ACVR1B: variants seen among roughly 807,000 people sequenced by gnomAD.
The protein encoded by ACVR1B is activin receptor type-1B.
ACVR1B carries 15 observed loss-of-function variants against 55.6 expected under a neutral mutation model. The observed-to-expected ratio is 0.27, with a 90% confidence interval of 0.18 to 0.42. The LOEUF is 0.42. ACVR1B is among the 10% of genes least tolerant of loss of function. ACVR1B has a pLI of 1.00. For synonymous variants in ACVR1B, 247 were observed against 254.6 expected (o/e 0.97, Z 0.28); for missense variants, 359 against 670.1 (o/e 0.54, Z 5.13).
chr12:51,987,852 ATTGT>A (rs1441953575), intron 7 of ACVR1B: 6 of 152,352 alleles, frequency 3.9e-5, no homozygotes, highest in Admixed American at 1.3e-4. Flanking sequence ...ATATAATTAG[ATTGT>A]TTGTAACACA....
intron 1 of ACVR1B, chr12:51,953,253 A>G: frequency 1.3e-6 from 1 of 750,926 alleles, no homozygotes; most frequent in Non-Finnish European, 1.6e-6. Context: ...AGTCGTCTTT[A>G]ATAAACCAGA....
At chr12:51,987,107 A>T in intron 7 of ACVR1B, 165 bp downstream of exon 7, 1 of 918,820 alleles carries the variant, frequency 1.1e-6, no homozygotes, top group Non-Finnish European at 1.8e-6. Context: ...AGCTGTGCTT[A>T]GGGTGCGTTT....
At position 51,994,649 on chromosome 12, in the gene ACVR1B, T is replaced by C. The variant is rs1942265746; in HGVS notation, c.*539T>C. 6.4e-6 allele frequency: 1 copy of C among 155,636 alleles called. No individual in the cohort carries two copies. The highest frequency in any genetic ancestry group is 2.4e-5 in the African/African-American group (1 of 41,502). 9.6% of individuals were successfully genotyped at this position (155,636 alleles called of 1,614,324 possible). A position where few individuals can be genotyped will look rare whatever the true frequency, so the allele number is the denominator to read the frequency against. ...TGGAGACGGAATCTGCCGCTTTGTC[T>C]GTCCAGCCGTGTGTGCATGTGCCGA... On this transcript the variant is annotated 3_prime_UTR_variant, in exon 9 of 9. Transcript: ENST00000257963. The surrounding 1 kb of genome is among the most constrained non-coding windows in gnomAD (Gnocchi z 4.2).
chr12:51,994,144 C>T lies in ACVR1B; in HGVS notation c.*34C>T, dbSNP rs762607630. 33 of 1,608,274 alleles carry T rather than the reference C, an allele frequency of 2.1e-5. No individual in the cohort carries two copies. The highest frequency in any genetic ancestry group is 3.3e-5 in the Admixed American group (2 of 59,914). On this transcript the variant is annotated 3_prime_UTR_variant, in exon 9 of 9. Coordinates refer to ENST00000257963, the MANE Select transcript of ACVR1B (RefSeq NM_004302.5). The surrounding 1 kb of genome is among the most constrained non-coding windows in gnomAD (Gnocchi z 4.2). ...TCTCTCCACACGGAGCTCCTGGCAG[C>T]GAGAACTACGCACAGCTGCCGCGTT...
intron 7 of ACVR1B, among the ~76,000 whole-genome samples, chr12:51,989,956 G>A (rs1006260943): frequency 2.0e-5 from 3 of 151,962 alleles, no homozygotes; most frequent in African/African-American, 7.3e-5. Flanking sequence ...CTGCACTCCA[G>A]CCTGGGCAAC....
intron 7 of ACVR1B, among the ~76,000 whole-genome samples, chr12:51,989,935 A>C (rs1050568723): frequency 1.3e-5 from 2 of 152,120 alleles, no homozygotes; most frequent in Non-Finnish European, 2.9e-5. Flanking sequence ...CAGCAAGCCG[A>C]GATCGTGCCA....
At position 51,980,226 on chromosome 12, in the gene ACVR1B, C is replaced by T. The variant is rs917466554; in HGVS notation, c.581-743C>T. ...TGGAGCCTAATACATAGTAAGCATG[C>T]AGTAAATGGTAGTTCCCATCTACCA... On this transcript the variant is annotated intron_variant, in intron 3 of 8. Coordinates refer to ENST00000257963, the MANE Select transcript of ACVR1B (RefSeq NM_004302.5). Among the ~76,000 whole-genome samples the T allele has an allele frequency of 2.6e-5, 4 of 152,018 alleles. No individual in the cohort carries two copies. The South Asian group carries it at 6.2e-4, about 24-fold the overall frequency.
chr12:51,991,938 T>C lies in ACVR1B; in HGVS notation c.1337T>C (p.Val446Ala). ...SDPSIEEMRK[V>A]VCDQKLRPNI... ...CCTTCCATTGAGGAAATGCGAAAGG[T>C]TGTATGTGATCAGAAGCTGCGTCCC... The change falls in exon 8 of 9, where the codon GTT (valine) becomes GCT (alanine). Residue 446 changes from valine to alanine, a missense_variant. Physicochemically the swap from Val to Ala is moderately conservative, Grantham distance 64. This residue lies in a region of ACVR1B where 119 missense variants were observed against 340.2 expected (regional missense o/e 0.35). Coordinates refer to ENST00000257963, the MANE Select transcript of ACVR1B (RefSeq NM_004302.5). The C allele has an allele frequency of 9.3e-6, 15 of 1,614,140 alleles. No homozygotes were observed. The highest frequency in any genetic ancestry group is 1.2e-5 in the Non-Finnish European group (14 of 1,180,024).
In ACVR1B at chr12:51,993,955, C is replaced by T. The variant is rs752109423; in HGVS notation, c.1393-30C>T. On this transcript the variant is annotated intron_variant, in intron 8 of 8. Transcript: ENST00000257963. ...CAGAAAGGCTTCTCCAGGGCATGACCGAGCTGATGGCTCCTGGGTCTCTGC... is the reference window on the plus strand; with the variant it reads ...CAGAAAGGCTTCTCCAGGGCATGACTGAGCTGATGGCTCCTGGGTCTCTGC... 8.1e-6 allele frequency: 13 copies of T among 1,612,216 alleles called. No individual in the cohort carries two copies. The Admixed American group carries it at 1.0e-4, about 12-fold the overall frequency.
intron 1 of ACVR1B, among the ~76,000 whole-genome samples, chr12:51,966,510 G>A (rs970694437): frequency 4.6e-5 from 7 of 152,190 alleles, no homozygotes; most frequent in African/African-American, 1.4e-4. Context: ...GTGCAGTGAT[G>A]GAGTCACAGC....
intron 3 of ACVR1B, among the ~76,000 whole-genome samples, chr12:51,977,731 C>T (rs1436136834): frequency 6.7e-6 from 1 of 150,294 alleles, no homozygotes; most frequent in Non-Finnish European, 1.5e-5. Context: ...AGATCCTCCA[C>T]CTTAGTCTCC....
intron 4 of ACVR1B, 128 bp from the exon 5 acceptor site, chr12:51,983,871 C>A: frequency 2.2e-6 from 2 of 897,076 alleles, no homozygotes; most frequent in Non-Finnish European, 3.5e-6. Context: ...CTTCAGGGGG[C>A]ATGGAGGTGG....
intron 1 of ACVR1B, among the ~76,000 whole-genome samples, chr12:51,971,948 G>C (rs1325453898): frequency 6.6e-6 from 1 of 152,218 alleles, no homozygotes; most frequent in Non-Finnish European, 1.5e-5. Flanking sequence ...GTTCCTGATA[G>C]AGCTGAAACT....
intron 1 of ACVR1B, among the ~76,000 whole-genome samples, chr12:51,967,663 A>G (rs1400451651): frequency 6.6e-6 from 1 of 152,226 alleles, no homozygotes; most frequent in Non-Finnish European, 1.5e-5. Context: ...TTGTACACTT[A>G]GCTGTATAGG....
intron 4 of ACVR1B, among the ~76,000 whole-genome samples, chr12:51,983,353 C>T (rs1357315455): frequency 6.6e-6 from 1 of 152,182 alleles, no homozygotes; most frequent in Non-Finnish European, 1.5e-5. Flanking sequence ...GGATGAGATG[C>T]CTTTCTGGGA....
At chr12:51,972,796 A>C (rs1024357763) in intron 1 of ACVR1B, among the ~76,000 whole-genome samples, 2 of 152,166 alleles carry the variant, frequency 1.3e-5, no homozygotes, top group African/African-American at 4.8e-5. Flanking sequence ...CTCACTCTGT[A>C]AAATATGTAA....
At chr12:51,993,774 A>T (rs1163842551) in intron 8 of ACVR1B, among the ~76,000 whole-genome samples, 9 of 95,240 alleles carry the variant, frequency 9.4e-5, no homozygotes, top group African/African-American at 5.9e-4. Flanking sequence ...CTAAAAAAAA[A>T]AAAAAAAAAA....
At position 51,977,548 on chromosome 12, in the gene ACVR1B, C is replaced by T. The variant is rs373994395; in HGVS notation, c.580+973C>T. On this transcript the variant is annotated intron_variant, in intron 3 of 8. Transcript: ENST00000257963. ...TTGACCTCAAGTGATCCGCCTGCCT[C>T]GTAAAGAATTTTTTTAATGAAGATA... Among the ~76,000 whole-genome samples, 43 of 150,014 alleles carry T rather than the reference C, an allele frequency of 2.9e-4. No individual in the cohort carries two copies. In the East Asian group the frequency reaches 5.1e-3, roughly 18 times the overall value.
At chr12:51,989,101 C>G (rs1388439908) in intron 7 of ACVR1B, among the ~76,000 whole-genome samples, 1 of 151,936 alleles carries the variant, frequency 6.6e-6, no homozygotes, top group African/African-American at 2.4e-5. Context: ...ATTAAAAATA[C>G]AAAAATTAGC....
Sources: gnomAD v4.1 joint callset for allele counts (sites outside exome capture counted in the v4.1 genomes callset) on GRCh38, gnomAD v4.1.1 for gene constraint, gnomAD v4.1.1 regional missense constraint, Gnocchi (gnomAD v3.1) non-coding constraint, MANE v1.5 for transcripts, NCBI Gene and HGNC (gene_info 2026-07-23, HGNC 2026-07-21) for gene names.